The following CCSER1 variants were observed in gnomAD, a reference collection of about 807,000 sequenced individuals.
The protein encoded by CCSER1 is coiled-coil serine rich protein 1.
Under a neutral mutation model 82.0 loss-of-function variants are expected in CCSER1, and 41 were observed. The ratio of observed to expected loss-of-function variants is 0.50; its 90% confidence interval spans 0.39 to 0.65. The LOEUF (loss-of-function observed/expected upper bound fraction) is 0.65. Ranked by LOEUF, CCSER1 falls within the 30% of genes least tolerant of loss-of-function variation. CCSER1 has a pLI of 0.00. For synonymous variants in CCSER1, 414 were observed against 383.9 expected, an observed-to-expected ratio of 1.08 and a Z score of -0.92; for missense variants, 1,119 against 1,064.2, an observed-to-expected ratio of 1.05 and a Z score of -0.72.
At chr4:90,153,219 C>T (rs1727254037) in intron 1 of CCSER1, among the ~76,000 whole-genome samples, 2 of 152,040 alleles carry the variant, frequency 1.3e-5, no homozygotes, top group Non-Finnish European at 2.9e-5. Context: ...ATGAACTCAT[C>T]ATTTTTTTGT....
chr4:90,401,521 A>G (rs549616634), intron 4 of CCSER1, among the ~76,000 whole-genome samples: 35 of 152,178 alleles, frequency 2.3e-4, no homozygotes, highest in African/African-American at 5.3e-4. Flanking sequence ...TATTGTAAGG[A>G]TATATTATTT....
intron 10 of CCSER1, among the ~76,000 whole-genome samples, chr4:91,194,129 C>T (rs1025146249): frequency 4.6e-5 from 7 of 152,092 alleles, no homozygotes; most frequent in African/African-American, 1.7e-4. Flanking sequence ...ACCACCACAC[C>T]GAGCTAATTT....
chr4:90,542,067 C>T (rs140464097), intron 5 of CCSER1, among the ~76,000 whole-genome samples: 72 of 151,860 alleles, frequency 4.7e-4, no homozygotes, highest in Middle Eastern at 3.4e-3. Flanking sequence ...AATAGTCATA[C>T]GACTCAATAT....
At chr4:91,437,497 C>G (rs1443466974) in intron 10 of CCSER1, among the ~76,000 whole-genome samples, 2 of 152,038 alleles carry the variant, frequency 1.3e-5, no homozygotes, top group African/African-American at 2.4e-5. Context: ...AATATGAGGG[C>G]AGCCAAGATG....
chr4:91,175,282 T>C (rs151004954), intron 10 of CCSER1, among the ~76,000 whole-genome samples: 1 of 152,290 alleles, frequency 6.6e-6, no homozygotes, highest in East Asian at 1.9e-4. Context: ...GTAATAAACA[T>C]ATGTATGCAT....
intron 5 of CCSER1, among the ~76,000 whole-genome samples, chr4:90,595,496 T>G (rs1175491518): frequency 8.8e-6 from 1 of 113,400 alleles, no homozygotes; most frequent in Non-Finnish European, 1.6e-5. Context: ...ATGTTGGAAA[T>G]TAACTGGGCT....
intron 10 of CCSER1, among the ~76,000 whole-genome samples, chr4:91,206,687 A>C (rs1736376095): frequency 6.6e-6 from 1 of 151,870 alleles, no homozygotes; most frequent in African/African-American, 2.4e-5. Flanking sequence ...AGCCACCTGC[A>C]CAGGTATATC....
At chr4:90,956,367 A>G (rs536380196) in intron 9 of CCSER1, among the ~76,000 whole-genome samples, 1 of 152,282 alleles carries the variant, frequency 6.6e-6, no homozygotes, top group African/African-American at 2.4e-5. Context: ...CAGGATAGCT[A>G]AGGCATAGGA....
intron 6 of CCSER1, among the ~76,000 whole-genome samples, chr4:90,722,239 A>G (rs2149368900): frequency 6.6e-6 from 1 of 151,976 alleles, no homozygotes; most frequent in East Asian, 1.9e-4. Flanking sequence ...ATGATACTTT[A>G]ATAAGCTATG....
intron 10 of CCSER1, among the ~76,000 whole-genome samples, chr4:91,504,412 G>A (rs1377423976): frequency 1.3e-5 from 2 of 152,014 alleles, no homozygotes; most frequent in African/African-American, 4.8e-5. Context: ...ATAATAGGAG[G>A]TATAGGACTT....
At chr4:91,349,867 C>T (rs78885736) in intron 10 of CCSER1, among the ~76,000 whole-genome samples, 3,058 of 150,336 alleles carry the variant, frequency 0.02, 105 homozygotes, top group African/African-American at 0.073. Flanking sequence ...GGTTTCCTAA[C>T]AGCATTGTTT....
intron 10 of CCSER1, among the ~76,000 whole-genome samples, chr4:91,336,244 G>T (rs1747318356): frequency 6.6e-6 from 1 of 151,984 alleles, no homozygotes; most frequent in Non-Finnish European, 1.5e-5. Context: ...TATGCACCTT[G>T]CATACATAAT....
intron 8 of CCSER1, among the ~76,000 whole-genome samples, chr4:90,904,407 A>G (rs1421238621): frequency 6.6e-6 from 1 of 152,084 alleles, no homozygotes; most frequent in African/African-American, 2.4e-5. Context: ...AAACTTAACC[A>G]TTGTTTGCTC....
intron 6 of CCSER1, among the ~76,000 whole-genome samples, chr4:90,635,764 G>T (rs1039263111): frequency 5.9e-5 from 9 of 151,798 alleles, no homozygotes; most frequent in African/African-American, 1.7e-4. Flanking sequence ...ATAGCTAGAA[G>T]ATTTGTAATG....
At chr4:90,939,160 G>A (rs1428120699) in intron 9 of CCSER1, among the ~76,000 whole-genome samples, 1 of 152,022 alleles carries the variant, frequency 6.6e-6, no homozygotes, top group East Asian at 1.9e-4. Context: ...TTCCATCTTA[G>A]TAGGACATTT....
chr4:90,793,907 T>G (rs1348703588), intron 7 of CCSER1, among the ~76,000 whole-genome samples: 4 of 152,244 alleles, frequency 2.6e-5, no homozygotes, highest in Non-Finnish European at 4.4e-5. Context: ...TGCATTTCTC[T>G]AATGATCAGT....
intron 3 of CCSER1, among the ~76,000 whole-genome samples, chr4:90,367,727 G>A (rs1415416305): frequency 6.6e-6 from 1 of 151,784 alleles, no homozygotes; most frequent in Non-Finnish European, 1.5e-5. Context: ...AACGGAGTTG[G>A]TGACAGAGGT....
intron 10 of CCSER1, among the ~76,000 whole-genome samples, chr4:91,369,526 A>G (rs1414011276): frequency 6.6e-6 from 1 of 152,122 alleles, no homozygotes. Flanking sequence ...ACTTTACTAT[A>G]TGTTTTCCAC....
chr4:90,631,146 G>T lies in CCSER1; in HGVS notation c.1932+2914G>T, dbSNP rs573942425. 5.8e-4 allele frequency among the ~76,000 whole-genome samples: 88 copies of T among 152,180 alleles called. No homozygotes were observed. The South Asian group carries it at 0.017, about 29-fold the overall frequency. ...ATGACCTCGTGATCCGCCCGCCTAG[G>T]CCTCCCAAAGTGCTGGGACTACAGG... is the stretch of plus-strand genomic sequence containing the variant. On this transcript the variant is annotated intron_variant, in intron 6 of 10. Transcript: ENST00000509176.
Sources: allele counts gnomAD v4.1 joint callset (sites outside exome capture counted in the v4.1 genomes callset), GRCh38; gene constraint gnomAD v4.1.1; transcripts MANE v1.5; gene names NCBI Gene and HGNC (gene_info 2026-07-23, HGNC 2026-07-21).